Variants in RYR2 observed in about 807,000 individuals in gnomAD.
The protein encoded by RYR2 is ryanodine receptor 2.
A neutral mutation model predicts 601.1 loss-of-function variants in RYR2; 227 were observed. The ratio of observed to expected loss-of-function variants is 0.38; its 90% CI spans 0.34 to 0.42. RYR2 has a LOEUF of 0.42. Among genes scored for constraint, RYR2 ranks in the 10% least tolerant of loss-of-function variants. The probability of loss-of-function intolerance (pLI) is 1.00; values close to 1 mark genes in which losing one functional copy is unlikely to be tolerated. For missense variants in RYR2, 4,646 were observed against 6,156.5 expected (o/e 0.75, Z 8.21); for synonymous variants, 2,223 against 2,175.1 (o/e 1.02, Z -0.61).
chr1:237,628,518 A>G lies in RYR2; in HGVS notation c.6440+438A>G, dbSNP rs982777438. ...AGTTTACTGAGAATGATGATTTCCA[A>G]TTTCATCCATGTCCCTACAAAGGAC... is the stretch of plus-strand genomic sequence containing the variant. On this transcript the variant is annotated intron_variant, in intron 41 of 104. Coordinates refer to ENST00000366574, the MANE Select transcript of RYR2 (RefSeq NM_001035.3). Among the ~76,000 whole-genome samples, 3 of 151,696 alleles carry G rather than the reference A, an allele frequency of 2.0e-5. No individual in the cohort carries two copies. In the South Asian group the frequency reaches 6.2e-4, roughly 31 times the overall value.
In RYR2 at chr1:237,532,479, C is replaced by T. The variant is rs114322976; in HGVS notation, c.2906+1969C>T. 9.0e-3 allele frequency among the ~76,000 whole-genome samples: 1,362 copies of T among 152,062 alleles called. 22 individuals carry two copies. The highest frequency in any genetic ancestry group is 0.031 in the African/African-American group (1,283 of 41,488). On this transcript the variant is annotated intron_variant, in intron 25 of 104. Coordinates refer to ENST00000366574, the MANE Select transcript of RYR2 (RefSeq NM_001035.3). The stretch of plus-strand genomic sequence containing the variant: ...CTTGAAAGCCAAAAATTGGAATCTA[C>T]CTAACTTCCAAAAGAATTCATTATC...
intron 73 of RYR2, among the ~76,000 whole-genome samples, chr1:237,720,544 T>G (rs1383386495): frequency 6.6e-6 from 1 of 152,226 alleles, no homozygotes; most frequent in Non-Finnish European, 1.5e-5. Context: ...TTTTAAAAGT[T>G]TATAAAGCCT....
chr1:237,363,541 A>G (rs1265044281), intron 4 of RYR2, among the ~76,000 whole-genome samples: 1 of 152,074 alleles, frequency 6.6e-6, no homozygotes, highest in Non-Finnish European at 1.5e-5. Flanking sequence ...TTTTCTCCAT[A>G]GGACTTAGAC....
chr1:237,635,192 G>T (rs543107871), intron 44 of RYR2, among the ~76,000 whole-genome samples, 200 bp downstream of exon 44: 1 of 152,144 alleles, frequency 6.6e-6, no homozygotes, highest in Non-Finnish European at 1.5e-5. Flanking sequence ...AATTTACATT[G>T]CACACTATAT....
intron 80 of RYR2, among the ~76,000 whole-genome samples, chr1:237,752,102 T>C (rs1298904839): frequency 6.6e-6 from 1 of 152,240 alleles, no homozygotes; most frequent in Admixed American, 6.5e-5. Flanking sequence ...TTCAGAGAAC[T>C]GTACTGGATG....
chr1:237,461,532 T>A (rs1023247068), intron 16 of RYR2, among the ~76,000 whole-genome samples: 7 of 152,154 alleles, frequency 4.6e-5, no homozygotes, highest in Non-Finnish European at 1.0e-4. Flanking sequence ...GTCCCTTCTT[T>A]TCACCTCTGA....
At chr1:237,760,137 C>T (rs1693298924) in intron 83 of RYR2, among the ~76,000 whole-genome samples, 1 of 149,262 alleles carries the variant, frequency 6.7e-6, no homozygotes, top group African/African-American at 2.5e-5. Flanking sequence ...TTGAGGCCAG[C>T]AATTCAAGAC....
chr1:237,239,340 G>A (rs2149224754), intron 1 of RYR2, among the ~76,000 whole-genome samples: 1 of 152,258 alleles, frequency 6.6e-6, no homozygotes, highest in East Asian at 1.9e-4. Context: ...CTCTCCTGCA[G>A]AGAGAGGGGC....
chr1:237,677,934 A>G, intron 60 of RYR2, 114 bp from the exon 61 acceptor site: 1 of 679,176 alleles, frequency 1.5e-6, no homozygotes, highest in South Asian at 1.9e-5. Flanking sequence ...GGCTTTTTAC[A>G]TTCAGTTTAG....
intron 27 of RYR2, among the ~76,000 whole-genome samples, chr1:237,555,557 T>G (rs1178422348): frequency 2.0e-5 from 3 of 152,108 alleles, no homozygotes; most frequent in Non-Finnish European, 4.4e-5. Context: ...GTATCTATAG[T>G]CTTAATAGAG....
chr1:237,445,451 A>T lies in RYR2; in HGVS notation c.1221A>T (p.Arg407Ser). The T allele has an allele frequency of 6.2e-7, 1 of 1,613,760 alleles. No individual in the cohort carries two copies. The highest frequency in any genetic ancestry group is 8.5e-7 in the Non-Finnish European group (1 of 1,179,742). The change falls in exon 14 of 105, where the codon AGA (arginine) becomes AGT (serine). Residue 407 changes from arginine (R) to serine (S), a missense_variant. By Grantham distance (110) the Arg-to-Ser change is moderately radical. Coordinates refer to ENST00000366574, the MANE Select transcript of RYR2 (RefSeq NM_001035.3). ...TGGATGATGGCATAAGTTTGTCGAG[A>T]TCCCAGCATGAAGAATCACGCACAG... ...GHMDDGISLSRSQHEESRTAR... is the reference protein window; with the variant it reads ...GHMDDGISLSSSQHEESRTAR...
chr1:237,054,312 TCCCCTCCCCGCCTCC>T (rs1278896773), intron 1 of RYR2, among the ~76,000 whole-genome samples: 1 of 81,878 alleles, frequency 1.2e-5, no homozygotes, highest in Non-Finnish European at 2.5e-5. Flanking sequence ...CTCCCTCTTC[TCCCCTCCCCGCCTCC>T]CCCCTCCCCC....
chr1:237,721,968 A>G (rs1218829031), intron 73 of RYR2, among the ~76,000 whole-genome samples: 1 of 152,192 alleles, frequency 6.6e-6, no homozygotes, highest in East Asian at 1.9e-4. Context: ...GTTTTTCACC[A>G]AGGAAATTTG....
At chr1:237,272,653 GAAT>G (rs1043777687) in intron 2 of RYR2, among the ~76,000 whole-genome samples, 9 of 149,582 alleles carry the variant, frequency 6.0e-5, no homozygotes, top group Admixed American at 6.0e-4. Context: ...TATAAAAAGA[GAAT>G]AAGAAGCAGA....
intron 12 of RYR2, among the ~76,000 whole-genome samples, chr1:237,431,738 A>C (rs1400772507): frequency 1.3e-5 from 2 of 152,152 alleles, no homozygotes; most frequent in South Asian, 4.1e-4. Context: ...AGGCTCTCAG[A>C]GGGCAGAACA....
intron 1 of RYR2, among the ~76,000 whole-genome samples, chr1:237,054,518 C>T (rs1255773340): frequency 2.6e-5 from 4 of 152,038 alleles, no homozygotes; most frequent in Admixed American, 2.6e-4. Flanking sequence ...ACTGTTGATT[C>T]TTGATTATAG....
Position 237,745,694 on chromosome 1 carries a change from A to G in RYR2, c.11145+3345A>G, listed in dbSNP as rs12095802. On this transcript the variant is annotated intron_variant, in intron 80 of 104. Coordinates refer to ENST00000366574, the MANE Select transcript of RYR2 (RefSeq NM_001035.3). Reference sequence around the variant, plus strand: ...CTAAGGACAAGAAGTCAAATGACATATGGAGCATGACCTGAGAGAAAGGGC... The same window carrying G: ...CTAAGGACAAGAAGTCAAATGACATGTGGAGCATGACCTGAGAGAAAGGGC... Among the ~76,000 whole-genome samples, 210 of 152,334 alleles carry G rather than the reference A, an allele frequency of 1.4e-3. 1 individual carries two copies. The highest frequency in any genetic ancestry group is 4.8e-3 in the African/African-American group (198 of 41,582).
chr1:237,591,159 T>TCCCCCTTCTCCTCCTCCCCCTTCTCCTCC (rs1559077399), intron 31 of RYR2, among the ~76,000 whole-genome samples, 167 bp downstream of exon 31: 1 of 35,942 alleles, frequency 2.8e-5, no homozygotes, highest in African/African-American at 1.2e-4. Context: ...CCTCCTCCTC[T>TCCCCCTTCTCCTCCTCCCCCTTCTCCTCC]TCCCCCTTCT....
chr1:237,347,529 G>A lies in RYR2; in HGVS notation c.274-8436G>A, dbSNP rs192819430. Reference sequence around the variant, plus strand: ...ATTCTGTCCTAAATGACAGTTTGACGACATACTTAACAAATCCCTAGGCAC... The same window carrying A: ...ATTCTGTCCTAAATGACAGTTTGACAACATACTTAACAAATCCCTAGGCAC... On this transcript the variant is annotated intron_variant, in intron 3 of 104. Transcript: ENST00000366574. 1.2e-4 allele frequency among the ~76,000 whole-genome samples: 18 copies of A among 152,150 alleles called. No individual in the cohort carries two copies. The East Asian group carries it at 3.3e-3, about 28-fold the overall frequency.
Sources: gnomAD v4.1 joint callset for allele counts (sites outside exome capture counted in the v4.1 genomes callset) on GRCh38, gnomAD v4.1.1 for gene constraint, MANE v1.5 for transcripts, NCBI Gene and HGNC (gene_info 2026-07-23, HGNC 2026-07-21) for gene names.